Variants in SGCD observed in about 807,000 individuals in gnomAD.
SGCD encodes delta-sarcoglycan.
In SGCD, 18 loss-of-function variants were observed where a neutral mutation model predicts 36.6. The observed-to-expected ratio is 0.49, with a 90% CI of 0.34 to 0.73. The LOEUF (loss-of-function observed/expected upper bound fraction) is 0.73. Among genes scored for constraint, SGCD ranks in the 30% least tolerant of loss-of-function variants. The pLI, the probability that SGCD is intolerant of heterozygous loss-of-function variation, is 0.01. For missense variants in SGCD, 387 were observed against 346.7 expected (o/e 1.12, Z -0.92); for synonymous variants, 133 against 130.6 (o/e 1.02, Z -0.12).
chr5:156,391,717 C>T lies in SGCD; in HGVS notation c.192+47040C>T, dbSNP rs534228724. ...GTGGATTTTGGTATCTGCAGGGGGT[C>T]CTGAAACCAATCTGCTGCAGATACT... On this transcript the variant is annotated intron_variant, in intron 3 of 8. Transcript: ENST00000337851. Among the ~76,000 whole-genome samples the T allele has an allele frequency of 1.2e-4, 19 of 152,238 alleles. No homozygotes were observed. In the East Asian group the frequency reaches 2.7e-3, roughly 22 times the overall value.
chr5:156,041,409 G>A lies in SGCD; in HGVS notation c.-281-76469G>A, dbSNP rs185571142. On this transcript the variant is annotated intron_variant, in intron 1 of 9. Coordinates refer to the SGCD transcript ENST00000517913. ...GGAGCACAGGTAGAAATTTTTTTCC[G>A]ATACTTCCGAAAGGCAGACACTGTT... is the stretch of plus-strand genomic sequence containing the variant. Among the ~76,000 whole-genome samples, 99 of 152,268 alleles carry A rather than the reference G, an allele frequency of 6.5e-4. 1 individual carries two copies. The highest frequency in any genetic ancestry group is 2.2e-3 in the African/African-American group (93 of 41,562).
chr5:155,877,871 G>A (rs944881958), intron 1 of SGCD, among the ~76,000 whole-genome samples: 1 of 152,090 alleles, frequency 6.6e-6, no homozygotes, highest in Non-Finnish European at 1.5e-5. Context: ...CTATAGGAAA[G>A]GGTCAGTATG....
chr5:156,239,420 A>AAAAAAG (rs1561579491), intron 3 of SGCD, among the ~76,000 whole-genome samples: 1 of 150,698 alleles, frequency 6.6e-6, no homozygotes, highest in African/African-American at 2.5e-5. Flanking sequence ...AAAAAAAAAA[A>AAAAAAG]ATTAGATTTG....
chr5:155,869,524 C>T (rs1428514685), upstream of SGCD, among the ~76,000 whole-genome samples: 1 of 152,182 alleles, frequency 6.6e-6, no homozygotes, highest in Admixed American at 6.5e-5. Flanking sequence ...CTGACTCCCT[C>T]ACCCAAGGTT....
At chr5:156,306,144 A>G (rs757292682) in intron 3 of SGCD, among the ~76,000 whole-genome samples, 11 of 152,150 alleles carry the variant, frequency 7.2e-5, no homozygotes, top group Non-Finnish European at 1.6e-4. Context: ...TGAGAACATT[A>G]TATTTTGGAG....
At chr5:156,436,845 A>G (rs1336704937) in intron 3 of SGCD, among the ~76,000 whole-genome samples, 1 of 152,176 alleles carries the variant, frequency 6.6e-6, no homozygotes, top group African/African-American at 2.4e-5. Flanking sequence ...CCCCTCCTTT[A>G]TAGCTAACCA....
chr5:156,297,250 A>G (rs1345611296), intron 3 of SGCD, among the ~76,000 whole-genome samples: 1 of 152,088 alleles, frequency 6.6e-6, no homozygotes, highest in African/African-American at 2.4e-5. Flanking sequence ...GGGATCTAGA[A>G]CTGGAAATAC....
At chr5:156,516,946 C>G (rs577852298) in intron 4 of SGCD, among the ~76,000 whole-genome samples, 1 of 151,998 alleles carries the variant, frequency 6.6e-6, no homozygotes, top group African/African-American at 2.4e-5. Context: ...TGCAGTCAGC[C>G]GAGCTCACAC....
At chr5:156,590,295 C>T (rs3797576) in intron 5 of SGCD, among the ~76,000 whole-genome samples, 2 of 152,268 alleles carry the variant, frequency 1.3e-5, no homozygotes, top group East Asian at 3.9e-4. Context: ...GGGAGCCTCA[C>T]TCCCACTCTT....
At chr5:156,663,688 C>A (rs1278911841) in intron 7 of SGCD, among the ~76,000 whole-genome samples, 2 of 147,030 alleles carry the variant, frequency 1.4e-5, no homozygotes, top group African/African-American at 5.2e-5. Flanking sequence ...CTACAGTCCC[C>A]TCAGGCAGTG....
intron 3 of SGCD, among the ~76,000 whole-genome samples, chr5:156,248,147 A>C (rs1581194005): frequency 6.6e-6 from 1 of 152,220 alleles, no homozygotes; most frequent in African/African-American, 2.4e-5. Context: ...GAGAGAGAGA[A>C]TGGGAATGGA....
intron 7 of SGCD, among the ~76,000 whole-genome samples, chr5:156,652,250 G>C (rs1763490934): frequency 6.6e-6 from 1 of 152,164 alleles, no homozygotes; most frequent in Admixed American, 6.6e-5. Flanking sequence ...GGAGGCCAAG[G>C]CTGGAGGATC....
the SGCD span, among the ~76,000 whole-genome samples, chr5:155,741,089 G>C: frequency 6.6e-6 from 1 of 152,124 alleles, no homozygotes; most frequent in African/African-American, 2.4e-5. Flanking sequence ...GTGGAGGCTG[G>C]GTTTAAAGGT....
the SGCD span, among the ~76,000 whole-genome samples, chr5:155,816,914 C>A: frequency 1.3e-5 from 2 of 152,104 alleles, no homozygotes; most frequent in African/African-American, 2.4e-5. Flanking sequence ...AAAGTAAATT[C>A]TTTATTAGCC....
the SGCD span, among the ~76,000 whole-genome samples, chr5:155,815,129 G>A: frequency 6.6e-6 from 1 of 152,048 alleles, no homozygotes; most frequent in Non-Finnish European, 1.5e-5. Context: ...TATCTGTGTT[G>A]TTGTATACCA....
chr5:155,768,521 T>C, the SGCD span, among the ~76,000 whole-genome samples: 1 of 152,116 alleles, frequency 6.6e-6, no homozygotes, highest in African/African-American at 2.4e-5. Context: ...AAGTGCTAAA[T>C]TGAGGTGTGA....
At chr5:156,033,368 T>C (rs115270407) in intron 1 of SGCD, among the ~76,000 whole-genome samples, 4,059 of 152,254 alleles carry the variant, frequency 0.027, 175 homozygotes, top group African/African-American at 0.093. Flanking sequence ...ATAGGTAATT[T>C]TTTAACCCTC....
rs142282144 is a variant in SGCD at position 156,523,738 on chromosome 5, T to G, written c.294+15036T>G. Among the ~76,000 whole-genome samples, 78 of 152,168 alleles carry G rather than the reference T, an allele frequency of 5.1e-4. 1 individual carries two copies. Among genetic ancestry groups the G allele is most frequent in the African/African-American group, 1.7e-3 (71 of 41,556 alleles). ...AGGGGCAGTCTCACATTTTGAAAACTTCATACTTTATATGAGACATTTTTT... is the reference window on the plus strand; with the variant it reads ...AGGGGCAGTCTCACATTTTGAAAACGTCATACTTTATATGAGACATTTTTT... On this transcript the variant is annotated intron_variant, in intron 4 of 8. Transcript: ENST00000337851.
rs1372442612 is a variant in SGCD at position 155,881,579 on chromosome 5, T to C, written c.-282+11155T>C. Among the ~76,000 whole-genome samples, 4 of 152,214 alleles carry C rather than the reference T, an allele frequency of 2.6e-5. 1 individual carries two copies. The highest frequency in any genetic ancestry group is 2.6e-4 in the Admixed American group (4 of 15,276). ...AGCTGCTGACTGATCAGAATGTGTT[T>C]GGTGAAGCTTGGGCTGGCTGCAGCA... On this transcript the variant is annotated intron_variant, in intron 1 of 9. Coordinates refer to the SGCD transcript ENST00000517913.
Sources: gnomAD v4.1 joint callset for allele counts (sites outside exome capture counted in the v4.1 genomes callset) on GRCh38, gnomAD v4.1.1 for gene constraint, MANE v1.5 for transcripts, NCBI Gene and HGNC (gene_info 2026-07-23, HGNC 2026-07-21) for gene names.